Variants in INPP5F observed in about 807,000 individuals in gnomAD.
INPP5F encodes inositol polyphosphate-5-phosphatase F.
Under a neutral mutation model 137.2 loss-of-function variants are expected in INPP5F, and 97 were observed. That is an observed-to-expected ratio of 0.71 (90% CI 0.60 to 0.84). The LOEUF (loss-of-function observed/expected upper bound fraction) is 0.84. Ranked by LOEUF, INPP5F falls within the 40% of genes least tolerant of loss-of-function variation. INPP5F has a pLI of 0.00. For synonymous variants in INPP5F, 504 were observed against 476.9 expected, an observed-to-expected ratio of 1.06 and a Z score of -0.74; for missense variants, 1,271 against 1,371.9, an observed-to-expected ratio of 0.93 and a Z score of 1.16.
At chr10:119,800,716 C>G (rs1009266033) in intron 9 of INPP5F, among the ~76,000 whole-genome samples, 2 of 152,002 alleles carry the variant, frequency 1.3e-5, no homozygotes, top group Non-Finnish European at 2.9e-5. Flanking sequence ...AAAGCCGCTA[C>G]TCAACACACC....
chr10:119,797,567 A>G lies in INPP5F; in HGVS notation c.975A>G (p.Gln325=). The change falls in exon 8 of 20, where the codon CAA becomes CAG. Residue 325 remains glutamine, a synonymous_variant. Transcript: ENST00000650623. ...HVHNHTLSFV[Q]TRGSVPVFWS... ...ATAATCATACCCTGTCATTTGTTCAAACACGAGGCTCTGTGCCTGTCTTTT... is the reference window on the plus strand; with the variant it reads ...ATAATCATACCCTGTCATTTGTTCAGACACGAGGCTCTGTGCCTGTCTTTT... The G allele has an allele frequency of 1.2e-6, 2 of 1,613,420 alleles. No homozygotes were observed. The highest frequency in any genetic ancestry group is 1.1e-5 in the South Asian group (1 of 90,792).
At chr10:119,771,972 T>A (rs927067317) in intron 2 of INPP5F, among the ~76,000 whole-genome samples, 2 of 135,710 alleles carry the variant, frequency 1.5e-5, no homozygotes, top group African/African-American at 5.6e-5. Context: ...CTCGGCTCAC[T>A]GCAAGCTCCA....
chr10:119,817,856 C>T (rs1186374381), intron 15 of INPP5F, among the ~76,000 whole-genome samples: 2 of 152,132 alleles, frequency 1.3e-5, no homozygotes, highest in African/African-American at 4.8e-5. Context: ...AATATTGCAC[C>T]AATTGTCTTG....
At chr10:119,733,875 C>T (rs893849244) in intron 1 of INPP5F, among the ~76,000 whole-genome samples, 2 of 152,204 alleles carry the variant, frequency 1.3e-5, no homozygotes, top group Non-Finnish European at 2.9e-5. Context: ...AGACTCACTG[C>T]TGGATCCCTA....
chr10:119,771,072 G>A (rs2134160024), intron 2 of INPP5F, among the ~76,000 whole-genome samples: 1 of 152,250 alleles, frequency 6.6e-6, no homozygotes, highest in South Asian at 2.1e-4. Context: ...ATCCAAGAAT[G>A]AAACCTCTCA....
chr10:119,821,047 C>A, intron 16 of INPP5F, 130 bp downstream of exon 16: 1 of 637,162 alleles, frequency 1.6e-6, no homozygotes, highest in Non-Finnish European at 2.8e-6. Context: ...TTCATTGAAC[C>A]CCTTTACCTT....
At chr10:119,823,619 C>G (rs544472039) in intron 18 of INPP5F, among the ~76,000 whole-genome samples, 196 bp from the exon 19 acceptor site, 3 of 152,154 alleles carry the variant, frequency 2.0e-5, no homozygotes, top group African/African-American at 7.2e-5. Context: ...TGCTTTTGTT[C>G]TTTTAAAATG....
chr10:119,727,036 G>A (rs1307599448), intron 1 of INPP5F, among the ~76,000 whole-genome samples: 1 of 152,206 alleles, frequency 6.6e-6, no homozygotes, highest in East Asian at 1.9e-4. Flanking sequence ...TAAGCTGTTC[G>A]GAGAGGCTTA....
chr10:119,820,783 A>G (rs1851529010), intron 15 of INPP5F, 63 bp from the exon 16 acceptor site: 8 of 1,356,340 alleles, frequency 5.9e-6, no homozygotes, highest in South Asian at 1.2e-5. Flanking sequence ...CTGTAGAAAT[A>G]TGCTTGGCAA....
At position 119,747,229 on chromosome 10, in the gene INPP5F, A is replaced by AT. The variant is rs1051492141; in HGVS notation, c.98-3835dup. Among the ~76,000 whole-genome samples, 403 of 146,162 alleles carry AT rather than the reference A, an allele frequency of 2.8e-3. 1 individual carries two copies. The highest frequency in any genetic ancestry group is 7.8e-3 in the African/African-American group (311 of 40,042). ...CTAAATTTTTAACTCAAAATTATTA[A>AT]TTTTTTTTTTTTGAGACAGAATCTT... is the stretch of plus-strand genomic sequence containing the variant. On this transcript the variant is annotated intron_variant, in intron 1 of 19. Transcript: ENST00000650623.
intron 2 of INPP5F, among the ~76,000 whole-genome samples, chr10:119,763,129 A>G (rs191013102): frequency 6.6e-5 from 10 of 152,378 alleles, no homozygotes; most frequent in African/African-American, 2.4e-4. Context: ...GAAAGAAGAA[A>G]GAGGCAGTGG....
rs568663130 is a variant in INPP5F at position 119,823,084 on chromosome 10, T to G, written c.2046T>G (p.Thr682=). The change falls in exon 18 of 20, where the codon ACT becomes ACG. Residue 682 remains threonine, a synonymous_variant. Coordinates refer to ENST00000650623, the MANE Select transcript of INPP5F (RefSeq NM_014937.4). ...TTGGGATTTTAGGCCCTGAACCCAC[T>G]CTTTTTGGTAAGCCAAAGTTCTCCT... is the stretch of plus-strand genomic sequence containing the variant. ...LEKIEIGPEP[T]LFGKPKFSCM... 2.5e-6 allele frequency: 4 copies of G among 1,613,482 alleles called. No individual in the cohort carries two copies. In the South Asian group the frequency reaches 4.4e-5, roughly 18 times the overall value.
intron 2 of INPP5F, among the ~76,000 whole-genome samples, chr10:119,780,050 C>T (rs550562498): frequency 3.9e-5 from 6 of 152,184 alleles, no homozygotes; most frequent in African/African-American, 1.4e-4. Context: ...TAGGTTTATA[C>T]CAGAATCACA....
intron 18 of INPP5F, 92 bp downstream of exon 18, chr10:119,823,291 C>T: frequency 8.1e-7 from 1 of 1,231,480 alleles, no homozygotes; most frequent in East Asian, 2.6e-5. Flanking sequence ...ATATCATAAC[C>T]AACTGAATGA....
At chr10:119,809,505 T>G (rs1850941668) in intron 13 of INPP5F, among the ~76,000 whole-genome samples, 1 of 152,176 alleles carries the variant, frequency 6.6e-6, no homozygotes, top group African/African-American at 2.4e-5. Flanking sequence ...TGCCTTAAGT[T>G]TAAGTCACCA....
rs148954389 is a variant in INPP5F at position 119,821,599 on chromosome 10, G to C, written c.1958+682G>C. ...TAGTCATTTGCCCAGATGCCTGTTG[G>C]CATATATCATATGGATTTTTCATTC... On this transcript the variant is annotated intron_variant, in intron 16 of 19. Transcript: ENST00000650623. Among the ~76,000 whole-genome samples the C allele has an allele frequency of 2.3e-3, 349 of 152,212 alleles. 1 individual carries two copies. The highest frequency in any genetic ancestry group is 3.4e-3 in the Non-Finnish European group (229 of 68,000).
rs191203541 is a variant in INPP5F, at chr10:119,761,906, C to A, written c.178+10750C>A. ...GATATTTTCCTAATTATTTGTTTCT[C>A]TTAGCATGTTAATATCATAGTTCAG... On this transcript the variant is annotated intron_variant, in intron 2 of 19. Coordinates refer to ENST00000650623, the MANE Select transcript of INPP5F (RefSeq NM_014937.4). Among the ~76,000 whole-genome samples, 9 of 152,236 alleles carry A rather than the reference C, an allele frequency of 5.9e-5. No individual in the cohort carries two copies. In the East Asian group the frequency reaches 1.7e-3, roughly 29 times the overall value.
rs1434377132 is a variant in INPP5F, at chr10:119,828,917, G to A, written c.*1137G>A. ...TATAACTCTGACCACACAGAACCAGGGCTGCCCCTGTAATCCCCACAGTAA... is the reference window on the plus strand; with the variant it reads ...TATAACTCTGACCACACAGAACCAGAGCTGCCCCTGTAATCCCCACAGTAA... On this transcript the variant is annotated 3_prime_UTR_variant, in exon 20 of 20. Coordinates refer to ENST00000650623, the MANE Select transcript of INPP5F (RefSeq NM_014937.4). 1 of 152,566 alleles carries A rather than the reference G, an allele frequency of 6.6e-6. No homozygotes were observed. Among genetic ancestry groups the A allele is most frequent in the African/African-American group, 2.4e-5 (1 of 41,408 alleles). 9.5% of individuals were successfully genotyped at this position (152,566 alleles called of 1,614,324 possible).
At chr10:119,744,838 G>A (rs1444109572) in intron 1 of INPP5F, among the ~76,000 whole-genome samples, 1 of 152,182 alleles carries the variant, frequency 6.6e-6, no homozygotes. Flanking sequence ...GAGCCACTGA[G>A]CCTAGTCCCT....
Sources: allele counts gnomAD v4.1 joint callset (sites outside exome capture counted in the v4.1 genomes callset), GRCh38; gene constraint gnomAD v4.1.1; transcripts MANE v1.5; gene names NCBI Gene and HGNC (gene_info 2026-07-23, HGNC 2026-07-21).